KIAA1671: variants seen among roughly 807,000 people sequenced by gnomAD.
KIAA1671 encodes uncharacterized protein KIAA1671.
In KIAA1671, 52 loss-of-function variants were observed where a neutral mutation model predicts 131.2. The ratio of observed to expected loss-of-function variants is 0.40; its 90% CI spans 0.32 to 0.50. The LOEUF is 0.50. Ranked by LOEUF, KIAA1671 falls within the 20% of genes least tolerant of loss-of-function variation. The pLI, the probability that KIAA1671 is intolerant of heterozygous loss-of-function variation, is 0.73. For synonymous variants in KIAA1671, 1,003 were observed against 961.6 expected, an observed-to-expected ratio of 1.04 and a Z score of -0.80; for missense variants, 2,360 against 2,364.2, an observed-to-expected ratio of 1.00 and a Z score of 0.04.
At chr22:25,106,744 T>A (rs990732039) in intron 6 of KIAA1671, among the ~76,000 whole-genome samples, 2 of 152,166 alleles carry the variant, frequency 1.3e-5, no homozygotes, top group Non-Finnish European at 2.9e-5. Context: ...AATGCAAAAA[T>A]TTGTGATGAG....
intron 2 of KIAA1671, among the ~76,000 whole-genome samples, chr22:25,027,491 C>T (rs1490652204): frequency 6.6e-6 from 1 of 152,152 alleles, no homozygotes; most frequent in Non-Finnish European, 1.5e-5. Flanking sequence ...GAGGACGCTC[C>T]CACTGAGGCC....
At chr22:25,004,641 G>C (rs997236368) in intron 1 of KIAA1671, among the ~76,000 whole-genome samples, 17 of 152,046 alleles carry the variant, frequency 1.1e-4, no homozygotes, top group Admixed American at 2.0e-4. Flanking sequence ...CTTTGTAACT[G>C]CTTTTAGCTA....
intron 6 of KIAA1671, among the ~76,000 whole-genome samples, chr22:25,117,929 G>A (rs1435686895): frequency 1.3e-5 from 2 of 151,766 alleles, no homozygotes; most frequent in Admixed American, 6.6e-5. Context: ...ACCTGAGATC[G>A]GGAGTTCAAG....
At chr22:25,130,703 G>A (rs933409083) in intron 6 of KIAA1671, among the ~76,000 whole-genome samples, 6 of 152,204 alleles carry the variant, frequency 3.9e-5, no homozygotes, top group African/African-American at 9.7e-5. Context: ...GCCTCCACTC[G>A]GAGCTGTGCC....
At chr22:25,004,563 T>C (rs545550353) in intron 1 of KIAA1671, among the ~76,000 whole-genome samples, 1 of 152,326 alleles carries the variant, frequency 6.6e-6, no homozygotes, top group African/African-American at 2.4e-5. Flanking sequence ...CATCTGCCCA[T>C]TTCCCTGCCC....
At chr22:25,024,592 G>C (rs1353273040) in intron 1 of KIAA1671, 1 of 152,240 alleles carries the variant, frequency 6.6e-6, no homozygotes, top group Non-Finnish European at 1.5e-5. Context: ...TTATGTCCCA[G>C]ATTGCTTAGA....
intron 8 of KIAA1671, chr22:25,176,279 T>G (rs532293968): frequency 6.6e-6 from 1 of 152,344 alleles, no homozygotes; most frequent in South Asian, 2.1e-4. Context: ...CACCACCCCA[T>G]TGGGACTTTT....
intron 6 of KIAA1671, among the ~76,000 whole-genome samples, chr22:25,093,742 CTCTCTCTCTCTCTCTCTCTCTCTCTG>C (rs1930170924): frequency 8.4e-6 from 1 of 118,554 alleles, no homozygotes; most frequent in Non-Finnish European, 1.8e-5. Flanking sequence ...CACACACTCT[CTCTCTCTCTCTCTCTCTCTCTCTCTG>C]TCTCTCTCTC....
At chr22:25,115,769 A>G (rs1008163118) in intron 6 of KIAA1671, among the ~76,000 whole-genome samples, 1 of 151,974 alleles carries the variant, frequency 6.6e-6, no homozygotes, top group Admixed American at 6.6e-5. Context: ...TCATTCAACC[A>G]GTATTTATTT....
chr22:24,959,280 C>T (rs945973990), intron 1 of KIAA1671, among the ~76,000 whole-genome samples: 6 of 151,590 alleles, frequency 4.0e-5, no homozygotes, highest in Non-Finnish European at 7.4e-5. Context: ...CAGAGGTGGG[C>T]GGATCACTTG....
intron 1 of KIAA1671, among the ~76,000 whole-genome samples, chr22:25,015,740 T>C (rs1245612880): frequency 1.3e-5 from 2 of 152,086 alleles, no homozygotes; most frequent in African/African-American, 2.4e-5. Flanking sequence ...AATGGGTGTG[T>C]CCTACCCTAC....
chr22:25,113,697 T>C (rs1359749541), intron 6 of KIAA1671, among the ~76,000 whole-genome samples: 1 of 152,200 alleles, frequency 6.6e-6, no homozygotes, highest in Non-Finnish European at 1.5e-5. Context: ...ATGACACGTG[T>C]CTCGTTCACA....
chr22:25,018,495 A>G (rs1332838331), intron 1 of KIAA1671, among the ~76,000 whole-genome samples: 1 of 151,946 alleles, frequency 6.6e-6, no homozygotes, highest in Non-Finnish European at 1.5e-5. Context: ...TGTGACCATC[A>G]TCACCATCCA....
intron 6 of KIAA1671, chr22:25,060,341 C>G (rs1243507300): frequency 6.6e-6 from 1 of 152,186 alleles, no homozygotes; most frequent in Non-Finnish European, 1.5e-5. Flanking sequence ...CACCATCACG[C>G]CTGGCTAATT....
intron 6 of KIAA1671, among the ~76,000 whole-genome samples, chr22:25,120,928 T>A (rs1247108295): frequency 6.6e-6 from 1 of 152,164 alleles, no homozygotes; most frequent in Non-Finnish European, 1.5e-5. Context: ...CATGTGTACT[T>A]CTTCATCTGG....
intron 1 of KIAA1671, among the ~76,000 whole-genome samples, chr22:24,957,820 G>T (rs1275193494): frequency 6.6e-6 from 1 of 151,686 alleles, no homozygotes; most frequent in Non-Finnish European, 1.5e-5. Flanking sequence ...TGGGATTACA[G>T]GCATGTGCCA....
intron 6 of KIAA1671, among the ~76,000 whole-genome samples, chr22:25,169,876 C>G (rs758913127): frequency 4.0e-4 from 61 of 152,190 alleles, no homozygotes; most frequent in Non-Finnish European, 1.0e-4. Flanking sequence ...GGTTGAATTC[C>G]ACTTCGCTGG....
intron 6 of KIAA1671, among the ~76,000 whole-genome samples, chr22:25,107,924 C>T (rs1172259549): frequency 1.3e-5 from 2 of 152,114 alleles, no homozygotes; most frequent in African/African-American, 4.8e-5. Context: ...AGGAGAATCG[C>T]TTGAACCCAG....
rs573539568 is a variant in KIAA1671, at chr22:25,015,835, ACT to A, written c.-207-9795_-207-9794del. On this transcript the variant is annotated intron_variant, in intron 1 of 12. Coordinates refer to ENST00000358431, the MANE Select transcript of KIAA1671 (RefSeq NM_001145206.2). ...GAGTCAGAAACACCAGATGTACCGC[ACT>A]CTGATGGAATTTACACAGGAGTCAA... 1.3e-3 allele frequency among the ~76,000 whole-genome samples: 158 copies of A among 120,720 alleles called. 1 individual carries two copies. Among genetic ancestry groups the A allele is most frequent in the African/African-American group, 4.7e-3 (155 of 32,790 alleles). The allele number at this position is 120,720 out of a possible 152,430, so 79.2% of individuals were successfully genotyped here.
Sources: gnomAD v4.1 joint callset for allele counts (sites outside exome capture counted in the v4.1 genomes callset) on GRCh38, gnomAD v4.1.1 for gene constraint, MANE v1.5 for transcripts, NCBI Gene and HGNC (gene_info 2026-07-23, HGNC 2026-07-21) for gene names.